FMN1: variants seen among roughly 807,000 people sequenced by gnomAD.
FMN1 encodes the protein formin 1.
A neutral mutation model predicts 132.4 loss-of-function variants in FMN1; 110 were observed. That is an observed-to-expected ratio of 0.83 (90% confidence interval 0.71 to 0.97). FMN1 has a LOEUF of 0.97. FMN1 is among the 50% of genes least tolerant of loss of function. The pLI is 0.00. For missense variants in FMN1, 1,792 were observed against 1,705.3 expected, an observed-to-expected ratio of 1.05 and a Z score of -0.90; for synonymous variants, 722 against 651.7, an observed-to-expected ratio of 1.11 and a Z score of -1.64.
intron 7 of FMN1, among the ~76,000 whole-genome samples, chr15:32,983,889 C>CT (rs2140795333): frequency 6.6e-6 from 1 of 152,314 alleles, no homozygotes; most frequent in African/African-American, 2.4e-5. Flanking sequence ...TAGTAATCCT[C>CT]TAAGATGGTA....
rs115464466 is a variant in FMN1, at chr15:32,854,153, C to T, written c.3928+2862G>A. Among the ~76,000 whole-genome samples the T allele has an allele frequency of 6.5e-3, 993 of 152,166 alleles. 11 individuals are homozygous for T. The highest frequency in any genetic ancestry group is 0.023 in the African/African-American group (962 of 41,524). ...ACATATCTAAAATGTTATCACTTTA[C>T]CATGCAATCAGTAAAAAAAATCAGC... On this transcript the variant is annotated intron_variant, in intron 17 of 20. Transcript: ENST00000616417.
intron 6 of FMN1, among the ~76,000 whole-genome samples, chr15:33,015,654 G>A (rs1319276526): frequency 1.3e-5 from 2 of 151,780 alleles, no homozygotes; most frequent in African/African-American, 4.8e-5. Context: ...GCCTCTCACT[G>A]GCCTTTACCC....
chr15:32,938,422 G>C (rs1006884841), intron 9 of FMN1, among the ~76,000 whole-genome samples: 1 of 151,992 alleles, frequency 6.6e-6, no homozygotes, highest in Non-Finnish European at 1.5e-5. Context: ...CCAGCTCCTC[G>C]GGAGGCTGAG....
At chr15:32,845,930 T>C (rs771535153) in intron 17 of FMN1, among the ~76,000 whole-genome samples, 2 of 151,838 alleles carry the variant, frequency 1.3e-5, no homozygotes, top group Non-Finnish European at 2.9e-5. Context: ...CACTGTGTAC[T>C]AGATATTACT....
chr15:32,826,380 T>G (rs1379130644), intron 17 of FMN1, among the ~76,000 whole-genome samples: 1 of 152,114 alleles, frequency 6.6e-6, no homozygotes, highest in Non-Finnish European at 1.5e-5. Flanking sequence ...TGAGATCGAA[T>G]TCCCTGGGGG....
intron 7 of FMN1, among the ~76,000 whole-genome samples, chr15:33,007,237 G>A (rs927579117): frequency 1.3e-5 from 2 of 152,128 alleles, no homozygotes; most frequent in African/African-American, 4.8e-5. Context: ...CTGATCCACA[G>A]ATTGATTAAA....
chr15:33,011,365 T>C (rs552207933), intron 6 of FMN1, among the ~76,000 whole-genome samples: 4 of 152,228 alleles, frequency 2.6e-5, no homozygotes, highest in Middle Eastern at 6.8e-3. Flanking sequence ...GTTCCTTTCT[T>C]ATGGAAAAAG....
intron 7 of FMN1, among the ~76,000 whole-genome samples, chr15:32,992,050 C>T (rs980764122): frequency 1.3e-5 from 2 of 152,158 alleles, no homozygotes; most frequent in Non-Finnish European, 2.9e-5. Context: ...CACATAAATT[C>T]AGAGTCATAA....
At position 32,821,544 on chromosome 15, in the gene FMN1, C is replaced by T. The variant is rs188569704; in HGVS notation, c.3929-17212G>A. Among the ~76,000 whole-genome samples the T allele has an allele frequency of 2.7e-3, 401 of 150,802 alleles. 2 individuals are homozygous for T. The highest frequency in any genetic ancestry group is 9.3e-3 in the African/African-American group (383 of 40,972). On this transcript the variant is annotated intron_variant, in intron 17 of 20. Transcript: ENST00000616417. ...CTCGGCTCACTGCAACCTCTACCTCCCGGGTTCAAGCAATTCTCTGCCCCA... is the reference window on the plus strand; with the variant it reads ...CTCGGCTCACTGCAACCTCTACCTCTCGGGTTCAAGCAATTCTCTGCCCCA...
intron 17 of FMN1, among the ~76,000 whole-genome samples, chr15:32,851,660 T>C (rs1450938317): frequency 6.6e-6 from 1 of 152,054 alleles, no homozygotes; most frequent in East Asian, 1.9e-4. Context: ...TCTCAGAAAA[T>C]GAAATTAAGA....
intron 12 of FMN1, among the ~76,000 whole-genome samples, chr15:32,907,091 G>A (rs189401874): frequency 2.9e-4 from 44 of 152,314 alleles, no homozygotes; most frequent in Non-Finnish European, 4.7e-4. Flanking sequence ...CACAGGGACC[G>A]GTTTCGAGGA....
chr15:33,103,802 C>T (rs1452034379), intron 4 of FMN1, among the ~76,000 whole-genome samples: 1 of 152,046 alleles, frequency 6.6e-6, no homozygotes, highest in Non-Finnish European at 1.5e-5. Context: ...TTTGGTCAAG[C>T]TTAAAATTAA....
chr15:33,114,105 G>A (rs16965084), intron 4 of FMN1, among the ~76,000 whole-genome samples: 13,512 of 152,210 alleles, frequency 0.089, 1,780 homozygotes, highest in African/African-American at 0.29. Context: ...TTGTCAGCCC[G>A]GTTTCCCTCT....
intron 7 of FMN1, among the ~76,000 whole-genome samples, chr15:32,983,613 T>A (rs2032854151): frequency 6.6e-6 from 1 of 152,194 alleles, no homozygotes; most frequent in African/African-American, 2.4e-5. Flanking sequence ...TAATATAATG[T>A]TACATAAAAG....
At chr15:33,012,850 G>C in intron 6 of FMN1, 1 of 613,190 alleles carries the variant, frequency 1.6e-6, no homozygotes, top group South Asian at 1.4e-5. Flanking sequence ...TGGCTATAAT[G>C]AATTTGGTAA....
intron 4 of FMN1, among the ~76,000 whole-genome samples, chr15:33,125,255 A>T (rs1463890106): frequency 6.6e-6 from 1 of 152,182 alleles, no homozygotes; most frequent in Non-Finnish European, 1.5e-5. Flanking sequence ...AACCTCTCTC[A>T]AAGACTCTTG....
At chr15:33,005,523 T>C (rs2034369509) in intron 7 of FMN1, among the ~76,000 whole-genome samples, 1 of 152,196 alleles carries the variant, frequency 6.6e-6, no homozygotes. Context: ...AATCTTTTCT[T>C]AGTTTGAGAT....
rs1047704959 is a variant in FMN1, at chr15:32,765,672, T to G, written c.*8638A>C. ...CAAATTAACAGAGGTATCAACAGAT[T>G]AGGATAAATATAATCTATCACAGAG... On this transcript the variant is annotated 3_prime_UTR_variant, in exon 21 of 21. Transcript: ENST00000616417. 1.3e-5 allele frequency: 2 copies of G among 152,146 alleles called. No homozygotes were observed. Among genetic ancestry groups the G allele is most frequent in the Admixed American group, 6.5e-5 (1 of 15,268 alleles). The allele number at this position is 152,146 out of a possible 1,614,324, so 9.4% of individuals were successfully genotyped here. A position where few individuals can be genotyped will look rare whatever the true frequency, so the allele number is the denominator to read the frequency against.
chr15:32,896,999 T>C (rs1352444480), intron 15 of FMN1, among the ~76,000 whole-genome samples: 1 of 152,220 alleles, frequency 6.6e-6, no homozygotes, highest in African/African-American at 2.4e-5. Flanking sequence ...CTGTTTTCCA[T>C]AGCAGCTCCA....
Sources: allele counts gnomAD v4.1 joint callset (sites outside exome capture counted in the v4.1 genomes callset), GRCh38; gene constraint gnomAD v4.1.1; transcripts MANE v1.5; gene names NCBI Gene and HGNC (gene_info 2026-07-23, HGNC 2026-07-21).